The following SLC38A10 variants were observed in gnomAD, a reference collection of about 807,000 sequenced individuals.
The protein encoded by SLC38A10 is Sodium-coupled neutral amino acid transporter 10.
In SLC38A10, 53 loss-of-function variants were observed where a neutral mutation model predicts 81.0. The ratio of observed to expected loss-of-function variants is 0.65; its 90% CI spans 0.53 to 0.82. The LOEUF (loss-of-function observed/expected upper bound fraction) is 0.82. SLC38A10 is among the 40% of genes least tolerant of loss of function. The pLI is 0.00. For missense variants in SLC38A10, 1,471 were observed against 1,545.0 expected (o/e 0.95, Z 0.80); for synonymous variants, 665 against 655.3 (o/e 1.01, Z -0.23).
At position 81,246,555 on chromosome 17, in the gene SLC38A10, A is replaced by G; in HGVS notation, c.2361T>C (p.Ala787=). 1.3e-6 allele frequency: 2 copies of G among 1,514,454 alleles called. No individual in the cohort carries two copies. The highest frequency in any genetic ancestry group is 1.8e-6 in the Non-Finnish European group (2 of 1,133,142). The allele number at this position is 1,514,454 out of a possible 1,614,324, so 93.8% of individuals were successfully genotyped here. A position where few individuals can be genotyped will look rare whatever the true frequency, so the allele number is the denominator to read the frequency against. Residue 787 remains alanine, a synonymous_variant, in exon 16 of 16, where the codon GCT becomes GCC. Coordinates refer to ENST00000374759, the MANE Select transcript of SLC38A10 (RefSeq NM_001037984.3). The part of the protein sequence containing the change: ...PPLPLDPVLR[A]PGGRPAPSQD... ...GGGATGGAGCAGGGCGGCCCCCAGG[A>G]GCTCTGAGGACAGGGTCCAAAGGCA... is the stretch of plus-strand genomic sequence containing the variant.
chr17:81,281,012 G>A lies in SLC38A10; in HGVS notation c.502-279C>T, dbSNP rs1327142939. Among the ~76,000 whole-genome samples the A allele has an allele frequency of 2.0e-5, 3 of 152,238 alleles. No homozygotes were observed. The highest frequency in any genetic ancestry group is 4.4e-5 in the Non-Finnish European group (3 of 68,036). ...TGCTCTTGCAAGGGGGCTGCTTGGC[G>A]CAGACGGGAGGAGACCACTGAGCAT... On this transcript the variant is annotated intron_variant, in intron 5 of 15. Transcript: ENST00000374759. This position sits in a 1 kb window ranked among gnomAD's most constrained non-coding sequence, Gnocchi z 5.3.
chr17:81,291,099 G>A (rs1469742547), intron 1 of SLC38A10, among the ~76,000 whole-genome samples: 2 of 152,196 alleles, frequency 1.3e-5, no homozygotes, highest in Admixed American at 6.5e-5. Context: ...AGTGCGAGAC[G>A]TCAGTCACGT....
chr17:81,283,000 G>A (rs1346105789), intron 4 of SLC38A10, among the ~76,000 whole-genome samples: 2 of 152,300 alleles, frequency 1.3e-5, no homozygotes, highest in Non-Finnish European at 2.9e-5. Flanking sequence ...GGGCAAGCAC[G>A]GAGGAGGCTA....
chr17:81,260,508 G>A, intron 10 of SLC38A10, 114 bp from the exon 11 acceptor site: 5 of 1,357,390 alleles, frequency 3.7e-6, no homozygotes, highest in Non-Finnish European at 4.9e-6. Flanking sequence ...CGAGGAGAGT[G>A]GACATGACAA....
Position 81,289,033 on chromosome 17 carries a change from T to C in SLC38A10, c.217+658A>G, listed in dbSNP as rs1392613938. On this transcript the variant is annotated intron_variant, in intron 2 of 15. Transcript: ENST00000374759. This position sits in a 1 kb window ranked among gnomAD's most constrained non-coding sequence, Gnocchi z 5.9. Reference sequence around the variant, plus strand: ...GTCACTCCAATTTTGAAGCATGTGATTATAACAGGTTTTTCTTTTTTTTTC... The same window carrying C: ...GTCACTCCAATTTTGAAGCATGTGACTATAACAGGTTTTTCTTTTTTTTTC... 6.6e-6 allele frequency: 1 copy of C among 152,202 alleles called. No individual in the cohort carries two copies. Among genetic ancestry groups the C allele is most frequent in the Non-Finnish European group, 1.5e-5 (1 of 68,060 alleles). The allele number at this position is 152,202 out of a possible 1,614,324, so 9.4% of individuals were successfully genotyped here.
At chr17:81,291,949 C>T (rs2146961242) in intron 1 of SLC38A10, among the ~76,000 whole-genome samples, 1 of 152,280 alleles carries the variant, frequency 6.6e-6, no homozygotes, top group South Asian at 2.1e-4. Flanking sequence ...GCCGCCACGG[C>T]CACAGAGTAC....
chr17:81,246,028 A>G lies in SLC38A10; in HGVS notation c.2888T>C (p.Val963Ala), dbSNP rs775937128. 1.2e-6 allele frequency: 2 copies of G among 1,610,562 alleles called. No individual in the cohort carries two copies. Among genetic ancestry groups the G allele is most frequent in the Non-Finnish European group, 1.7e-6 (2 of 1,179,296 alleles). Residue 963 changes from valine to alanine, a missense_variant, in exon 16 of 16, where the codon GTC becomes GCC. Val to Ala is a moderately conservative substitution (Grantham distance 64). Coordinates refer to ENST00000374759, the MANE Select transcript of SLC38A10 (RefSeq NM_001037984.3). ...QAVLRQPELR[V>A]ISDGEQGGQQ... ...TCCACCCTGCTCGCCATCAGAGATG[A>G]CCCGCAGTTCCGGCTGGCGTAACAC...
chr17:81,268,245 C>T (rs2063085746), intron 10 of SLC38A10, among the ~76,000 whole-genome samples: 1 of 152,032 alleles, frequency 6.6e-6, no homozygotes, highest in African/African-American at 2.4e-5. Flanking sequence ...CTGCCTATCC[C>T]CTGTATGATG....
rs752699951 is a variant in SLC38A10, at chr17:81,260,444, C to A, written c.1132-50G>T. 6 of 1,564,618 alleles carry A rather than the reference C, an allele frequency of 3.8e-6. No individual in the cohort carries two copies. In the Admixed American group the frequency reaches 7.6e-5, roughly 20 times the overall value. On this transcript the variant is annotated intron_variant, in intron 10 of 15. Coordinates refer to ENST00000374759, the MANE Select transcript of SLC38A10 (RefSeq NM_001037984.3). Reference sequence around the variant, plus strand: ...CGGGAGTCACAGCTGGCCCCCGCCCCTGCCCAGGGTATAAAACTGGCCTGG... The same window carrying A: ...CGGGAGTCACAGCTGGCCCCCGCCCATGCCCAGGGTATAAAACTGGCCTGG...
chr17:81,252,966 GA>G, intron 12 of SLC38A10, 106 bp downstream of exon 12: 4 of 1,392,764 alleles, frequency 2.9e-6, no homozygotes, highest in Non-Finnish European at 2.9e-6. Flanking sequence ...GGGCTGAAGG[GA>G]AAAAGATACA....
At chr17:81,259,665 C>T (rs570632642) in intron 11 of SLC38A10, among the ~76,000 whole-genome samples, 3 of 152,262 alleles carry the variant, frequency 2.0e-5, no homozygotes, top group East Asian at 1.9e-4. Context: ...GTGCCACAGA[C>T]GGAGGCGTCA....
In SLC38A10 at chr17:81,276,155, T is replaced by G; in HGVS notation, c.730-4A>C. 6.2e-7 allele frequency: 1 copy of G among 1,606,810 alleles called. No individual in the cohort carries two copies. ...TGACGTAGCCGAAAAACCCCACCTG[T>G]TGGAGAATAAGAAATGGCAACGTGG... On this transcript the variant is annotated splice_region_variant and splice_polypyrimidine_tract_variant and intron_variant, in intron 7 of 15. Transcript: ENST00000374759. This position sits in a 1 kb window ranked among gnomAD's most constrained non-coding sequence, Gnocchi z 4.7.
rs771206666 is a variant in SLC38A10, at chr17:81,283,474, T to C, written c.292A>G (p.Ile98Val). The C allele has an allele frequency of 2.5e-6, 4 of 1,611,886 alleles. No individual in the cohort carries two copies. In the East Asian group the frequency reaches 8.9e-5, roughly 36 times the overall value. ...TCGCCGATCACGACGTAGAAGGCGA[T>C]GCAGGTGCCCAGCATCAGCCCGATC... ...SMIGLMLGTC[I>V]AFYVVIGDLG... Residue 98 changes from isoleucine (I) to valine (V), a missense_variant, in exon 4 of 16, where the codon ATC becomes GTC. By Grantham distance (29) the Ile-to-Val change is conservative. This residue lies in a region of SLC38A10 where 720 missense variants were observed against 827.7 expected (regional missense o/e 0.87). Transcript: ENST00000374759. The surrounding 1 kb of genome is among the most constrained non-coding windows in gnomAD (Gnocchi z 4.7).
intron 12 of SLC38A10, 39 bp from the exon 13 acceptor site, chr17:81,252,722 C>A: frequency 6.5e-7 from 1 of 1,537,936 alleles, no homozygotes; most frequent in Non-Finnish European, 8.7e-7. Flanking sequence ...CAGGCTGAGG[C>A]CCCTCCTTCC....
At position 81,282,296 on chromosome 17, in the gene SLC38A10, C is replaced by T. The variant is rs781119996; in HGVS notation, c.394G>A (p.Val132Met). 37 of 1,613,154 alleles carry T rather than the reference C, an allele frequency of 2.3e-5. No individual in the cohort carries two copies. The highest frequency in any genetic ancestry group is 2.9e-5 in the Non-Finnish European group (34 of 1,179,964). Reference protein sequence around the residue: ...GTFRMFLLFAVSLCIVLPLSL... With the variant: ...GTFRMFLLFAMSLCIVLPLSL... ...AGCGGGAGCACGATGCACAGCGACACGGCGAACAGCAGGAACATGCGGAAG... is the reference window on the plus strand; with the variant it reads ...AGCGGGAGCACGATGCACAGCGACATGGCGAACAGCAGGAACATGCGGAAG... Residue 132 changes from valine to methionine, a missense_variant, in exon 5 of 16, where the codon GTG becomes ATG. Val to Met is a conservative substitution (Grantham distance 21). Around this residue, in one of 2 missense-constraint regions of SLC38A10, gnomAD observed 720 missense variants for 827.7 expected, o/e 0.87. Coordinates refer to ENST00000374759, the MANE Select transcript of SLC38A10 (RefSeq NM_001037984.3).
chr17:81,260,186 C>T (rs2146905111), intron 11 of SLC38A10, 52 bp downstream of exon 11: 1 of 1,542,750 alleles, frequency 6.5e-7, no homozygotes, highest in South Asian at 1.2e-5. Context: ...ACCCAGGAGA[C>T]ACCCAGTGGG....
At chr17:81,293,196 G>A (rs1410168413) in intron 1 of SLC38A10, among the ~76,000 whole-genome samples, 1 of 152,190 alleles carries the variant, frequency 6.6e-6, no homozygotes, top group Non-Finnish European at 1.5e-5. Context: ...TGACTTGCAG[G>A]AGAAGGACCA....
chr17:81,292,253 A>G (rs2063317413), intron 1 of SLC38A10, among the ~76,000 whole-genome samples: 2 of 151,954 alleles, frequency 1.3e-5, no homozygotes, highest in African/African-American at 2.4e-5. Context: ...CAGACTCCCT[A>G]GTAGCTGGGA....
At chr17:81,260,601 C>T (rs1010013184) in intron 10 of SLC38A10, among the ~76,000 whole-genome samples, 1 of 152,202 alleles carries the variant, frequency 6.6e-6, no homozygotes, top group South Asian at 2.1e-4. Context: ...CCCACCTGCC[C>T]GCGAAGCTCC....
Sources: gnomAD v4.1 joint callset for allele counts (sites outside exome capture counted in the v4.1 genomes callset) on GRCh38, gnomAD v4.1.1 for gene constraint, gnomAD v4.1.1 regional missense constraint, Gnocchi (gnomAD v3.1) non-coding constraint, MANE v1.5 for transcripts, NCBI Gene and HGNC (gene_info 2026-07-23, HGNC 2026-07-21) for gene names.